Variants in NSD3 observed in about 807,000 individuals in gnomAD.
NSD3 encodes the protein nuclear receptor binding SET domain protein 3.
Under a neutral mutation model 160.8 loss-of-function variants are expected in NSD3, and 24 were observed. The observed-to-expected ratio is 0.15, with a 90% CI of 0.11 to 0.21. NSD3 has a LOEUF of 0.21. Ranked by LOEUF, NSD3 falls within the 10% of genes least tolerant of loss-of-function variation. NSD3 has a pLI of 1.00. For synonymous variants in NSD3, 520 were observed against 600.0 expected, an observed-to-expected ratio of 0.87 and a Z score of 1.95; for missense variants, 1,157 against 1,735.9, an observed-to-expected ratio of 0.67 and a Z score of 5.93.
chr8:38,305,563 AT>A, intron 12 of NSD3, 118 bp from the exon 13 acceptor site: 1 of 843,800 alleles, frequency 1.2e-6, no homozygotes, highest in Non-Finnish European at 1.7e-6. Context: ...ATACTTAAGA[AT>A]TTAATGCACA....
rs1247738656 is a variant in NSD3, at chr8:38,271,351, G to C, written c.*4290C>G. ...TAAAAAACCTGAATTCAATGAGGCA[G>C]AGGTCTCAATGTTAAAGTGACTATT... On this transcript the variant is annotated 3_prime_UTR_variant, in exon 24 of 24. Transcript: ENST00000317025. 2 of 152,154 alleles carry C rather than the reference G, an allele frequency of 1.3e-5. No individual in the cohort carries two copies. Among genetic ancestry groups the C allele is most frequent in the Non-Finnish European group, 2.9e-5 (2 of 68,022 alleles). The allele number at this position is 152,154 out of a possible 1,614,324, so 9.4% of individuals were successfully genotyped here. A position where few individuals can be genotyped will look rare whatever the true frequency, so the allele number is the denominator to read the frequency against.
At chr8:38,315,662 T>C in intron 10 of NSD3, 118 bp from the exon 11 acceptor site, 1 of 1,385,396 alleles carries the variant, frequency 7.2e-7, no homozygotes, top group Non-Finnish European at 9.7e-7. Context: ...CAACCACCTT[T>C]TTCCTTCCTT....
At chr8:38,349,675 A>ATATATATATG (rs1810628258) in intron 1 of NSD3, among the ~76,000 whole-genome samples, 1 of 116,226 alleles carries the variant, frequency 8.6e-6, no homozygotes, top group African/African-American at 3.1e-5. Context: ...TTATATATAT[A>ATATATATATG]TATATATATA....
Position 38,289,456 on chromosome 8 carries a change from T to C in NSD3, c.3168A>G (p.Glu1056=). 1 of 1,614,054 alleles carries C rather than the reference T, an allele frequency of 6.2e-7. No homozygotes were observed. Among genetic ancestry groups the C allele is most frequent in the South Asian group, 1.1e-5 (1 of 91,064 alleles). The part of the protein sequence containing the change: ...KRFQELKAQR[E]SKEALEIEKN... ...TTTCAATCTCTAGGGCTTCTTTACTTTCTCTTTGTGCTTTCAATTCCTGGA... is the reference window on the plus strand; with the variant it reads ...TTTCAATCTCTAGGGCTTCTTTACTCTCTCTTTGTGCTTTCAATTCCTGGA... Residue 1056 remains glutamate (E), a synonymous_variant, in exon 18 of 24, where the codon GAA becomes GAG. Coordinates refer to ENST00000317025, the MANE Select transcript of NSD3 (RefSeq NM_023034.2).
intron 12 of NSD3, 119 bp downstream of exon 12, chr8:38,314,528 A>G (rs917544904): frequency 5.0e-6 from 7 of 1,408,682 alleles, no homozygotes; most frequent in Admixed American, 4.4e-5. Context: ...ACCTTTGGGA[A>G]GAGAGGAGGA....
chr8:38,343,417 G>A (rs1486230627), intron 2 of NSD3, among the ~76,000 whole-genome samples: 1 of 151,812 alleles, frequency 6.6e-6, no homozygotes, highest in African/African-American at 2.4e-5. Flanking sequence ...AATAAAAAAT[G>A]TGGGCCAAGT....
At chr8:38,343,392 G>C (rs1810427237) in intron 2 of NSD3, among the ~76,000 whole-genome samples, 1 of 151,954 alleles carries the variant, frequency 6.6e-6, no homozygotes, top group Non-Finnish European at 1.5e-5. Flanking sequence ...AATGACTTAA[G>C]TTTGTAACCT....
intron 2 of NSD3, among the ~76,000 whole-genome samples, chr8:38,347,184 T>C (rs1248786515): frequency 1.3e-5 from 2 of 152,214 alleles, no homozygotes; most frequent in African/African-American, 2.4e-5. Flanking sequence ...TATCTTCTCT[T>C]TGCCTTTCCT....
rs1270600265 is a variant in NSD3, at chr8:38,271,505, A to C, written c.*4136T>G. The C allele has an allele frequency of 1.3e-5, 2 of 152,134 alleles. No homozygotes were observed. The highest frequency in any genetic ancestry group is 2.9e-5 in the Non-Finnish European group (2 of 68,018). 9.4% of individuals were successfully genotyped at this position (152,134 alleles called of 1,614,324 possible). On this transcript the variant is annotated 3_prime_UTR_variant, in exon 24 of 24. Coordinates refer to ENST00000317025, the MANE Select transcript of NSD3 (RefSeq NM_023034.2). The stretch of plus-strand genomic sequence containing the variant: ...AGTATATACACATTTCCAACTTTTC[A>C]GTATTTGTTAATTCATTGCAAAGCT...
chr8:38,278,271 C>T, intron 22 of NSD3, 35 bp downstream of exon 22: 1 of 1,593,800 alleles, frequency 6.3e-7, no homozygotes, highest in Non-Finnish European at 8.6e-7. Context: ...CTCCTTATCG[C>T]CTGTTGACTG....
At chr8:38,281,673 G>A (rs1808737637) in intron 19 of NSD3, 90 bp from the exon 20 acceptor site, 3 of 670,364 alleles carry the variant, frequency 4.5e-6, no homozygotes, top group Non-Finnish European at 7.0e-6. Flanking sequence ...AATAATTAAA[G>A]AGAACCCTGA....
chr8:38,304,473 G>T lies in NSD3; in HGVS notation c.2611+114C>A, dbSNP rs1287965678. On this transcript the variant is annotated intron_variant, in intron 14 of 23. Coordinates refer to ENST00000317025, the MANE Select transcript of NSD3 (RefSeq NM_023034.2). ...TATATTACAGTGGAATTCTGCACTG[G>T]GTAGGAGATTCTACTAGATGGCCTG... 3.9e-6 allele frequency: 4 copies of T among 1,014,392 alleles called. No homozygotes were observed. In the African/African-American group the frequency reaches 4.8e-5, roughly 12 times the overall value. The allele number at this position is 1,014,392 out of a possible 1,614,324, so 62.8% of individuals were successfully genotyped here.
chr8:38,344,745 T>C (rs1810471666), intron 2 of NSD3, among the ~76,000 whole-genome samples: 1 of 152,168 alleles, frequency 6.6e-6, no homozygotes, highest in African/African-American at 2.4e-5. Context: ...CAGGAATACA[T>C]TTTTCATTAT....
chr8:38,302,247 A>G (rs1002677644), intron 14 of NSD3, among the ~76,000 whole-genome samples: 1 of 152,356 alleles, frequency 6.6e-6, no homozygotes, highest in East Asian at 1.9e-4. Flanking sequence ...AGAAATGACT[A>G]AAGTGCTCCT....
intron 1 of NSD3, among the ~76,000 whole-genome samples, chr8:38,372,517 C>G (rs1811272602): frequency 7.1e-6 from 1 of 141,784 alleles, no homozygotes; most frequent in African/African-American, 2.6e-5. Flanking sequence ...TTTTTTGAGA[C>G]ACAGTTTCGC....
chr8:38,324,799 C>T (rs1216901346), intron 7 of NSD3, among the ~76,000 whole-genome samples: 1 of 152,074 alleles, frequency 6.6e-6, no homozygotes, highest in East Asian at 1.9e-4. Flanking sequence ...GGGCTGAAGA[C>T]TGAGTTAATA....
chr8:38,367,211 C>T (rs959872345), intron 1 of NSD3, among the ~76,000 whole-genome samples: 1 of 151,918 alleles, frequency 6.6e-6, no homozygotes, highest in Non-Finnish European at 1.5e-5. Context: ...CTGCTTCTAC[C>T]CCTAACTTAG....
chr8:38,367,281 G>A (rs542400038), intron 1 of NSD3, among the ~76,000 whole-genome samples: 1 of 152,132 alleles, frequency 6.6e-6, no homozygotes, highest in East Asian at 1.9e-4. Flanking sequence ...CATAAGAAAG[G>A]TTGGATCAGG....
intron 1 of NSD3, among the ~76,000 whole-genome samples, chr8:38,354,452 A>G (rs1810774145): frequency 6.6e-6 from 1 of 152,210 alleles, no homozygotes; most frequent in Non-Finnish European, 1.5e-5. Flanking sequence ...TAAAATATGA[A>G]CTGGCTTTAA....
Sources: allele counts gnomAD v4.1 joint callset (sites outside exome capture counted in the v4.1 genomes callset), GRCh38; gene constraint gnomAD v4.1.1; transcripts MANE v1.5; gene names NCBI Gene and HGNC (gene_info 2026-07-23, HGNC 2026-07-21).